IFNAR1: variants seen among roughly 807,000 people sequenced by gnomAD.
The protein encoded by IFNAR1 is interferon alpha/beta receptor 1.
Under a neutral mutation model 62.1 loss-of-function variants are expected in IFNAR1, and 47 were observed. The observed-to-expected ratio is 0.76, with a 90% CI of 0.60 to 0.97. The LOEUF (loss-of-function observed/expected upper bound fraction) is 0.97, where lower values mean the gene tolerates loss of function less well. Ranked by LOEUF, IFNAR1 falls within the 50% of genes least tolerant of loss-of-function variation. The probability of loss-of-function intolerance (pLI) is 0.00; values close to 1 mark genes in which losing one functional copy is unlikely to be tolerated. For missense variants in IFNAR1, 638 were observed against 654.5 expected (o/e 0.97, Z 0.27); for synonymous variants, 219 against 226.9 (o/e 0.97, Z 0.31).
chr21:33,349,267 T>TA lies in IFNAR1; in HGVS notation c.968dup (p.Phe324ValfsTer2), dbSNP rs1453462205. 1 of 1,607,198 alleles carries TA rather than the reference T, an allele frequency of 6.2e-7. No individual in the cohort carries two copies. The highest frequency in any genetic ancestry group is 8.5e-7 in the Non-Finnish European group (1 of 1,175,342). On this transcript the variant is annotated frameshift_variant, in exon 7 of 11. Coordinates refer to ENST00000270139, the MANE Select transcript of IFNAR1 (RefSeq NM_000629.3). LOFTEE classifies it high-confidence loss of function. ...AACACATCTTTTTGGTCTGAAGAGA[T>TA]AAAGTTTGATACTGAAATACAAGGT...
In IFNAR1 at chr21:33,352,922, ATT is replaced by A; in HGVS notation, c.1294+15_1294+16del. The A allele has an allele frequency of 6.5e-7, 1 of 1,543,888 alleles. No homozygotes were observed. Among genetic ancestry groups the A allele is most frequent in the Non-Finnish European group, 8.8e-7 (1 of 1,137,368 alleles). On this transcript the variant is annotated intron_variant, in intron 9 of 10. Coordinates refer to ENST00000270139, the MANE Select transcript of IFNAR1 (RefSeq NM_000629.3). ...AAACAAAACCAGGTCAGAATCTTTT[ATT>A]GTCTTTTTTAAAAATGTAGCTAGAC...
intron 1 of IFNAR1, among the ~76,000 whole-genome samples, chr21:33,327,491 TAGG>T (rs2083137349): frequency 6.6e-6 from 1 of 152,192 alleles, no homozygotes; most frequent in Non-Finnish European, 1.5e-5. Flanking sequence ...TGAGGCTGTA[TAGG>T]CCAGTCCGTG....
chr21:33,331,080 A>T (rs576636043), intron 1 of IFNAR1, among the ~76,000 whole-genome samples: 23 of 152,170 alleles, frequency 1.5e-4, no homozygotes, highest in Non-Finnish European at 2.9e-4. Context: ...CATCTGAACC[A>T]CGCCAGGCTG....
chr21:33,328,391 C>T (rs753022110), intron 1 of IFNAR1, among the ~76,000 whole-genome samples: 8 of 152,150 alleles, frequency 5.3e-5, no homozygotes, highest in Non-Finnish European at 7.3e-5. Context: ...AACCTCACTT[C>T]GCATCATGGC....
At position 33,352,670 on chromosome 21, in the gene IFNAR1, A is replaced by C. The variant is rs2083410014; in HGVS notation, c.1144-88A>C. 19 of 705,364 alleles carry C rather than the reference A, an allele frequency of 2.7e-5. No homozygotes were observed. In the South Asian group the frequency reaches 4.1e-4, roughly 15 times the overall value. The allele number at this position is 705,364 out of a possible 1,614,324, so 43.7% of individuals were successfully genotyped here. On this transcript the variant is annotated intron_variant, in intron 8 of 10. Transcript: ENST00000270139. ...CAACTACGTGGGAGAGGCCAATGTT[A>C]GACTGAACATAAAAAATTGAGAAAG...
chr21:33,351,558 T>A (rs1356380387), intron 8 of IFNAR1, among the ~76,000 whole-genome samples: 1 of 151,100 alleles, frequency 6.6e-6, no homozygotes, highest in Admixed American at 6.6e-5. Context: ...TTTTATTTTT[T>A]TTTTTTTTGA....
At position 33,358,480 on chromosome 21, in the gene IFNAR1, TTA is replaced by T. The variant is rs1238175787; in HGVS notation, c.*2938_*2939del. The T allele has an allele frequency of 1.3e-5, 2 of 151,952 alleles. No individual in the cohort carries two copies. The highest frequency in any genetic ancestry group is 4.8e-5 in the African/African-American group (2 of 41,398). The allele number at this position is 151,952 out of a possible 1,614,324, so 9.4% of individuals were successfully genotyped here. ...TATTAATATATAATACAGATTAACATTATATATAATATGTACCTGTGTCACTT... is the reference window on the plus strand; with the variant it reads ...TATTAATATATAATACAGATTAACATTATATAATATGTACCTGTGTCACTT... On this transcript the variant is annotated 3_prime_UTR_variant, in exon 11 of 11. Coordinates refer to ENST00000270139, the MANE Select transcript of IFNAR1 (RefSeq NM_000629.3).
chr21:33,349,442 A>G lies in IFNAR1; in HGVS notation c.1042A>G (p.Ile348Val), dbSNP rs1020198639. The change falls in exon 8 of 11, where the codon ATC becomes GTC. Residue 348 changes from isoleucine to valine, a missense_variant. By Grantham distance (29) the Ile-to-Val change is conservative. Coordinates refer to ENST00000270139, the MANE Select transcript of IFNAR1 (RefSeq NM_000629.3). Reference sequence around the variant, plus strand: ...TAGATCCCTTAGTGATTCATTCCATATCTATATCGGTGCTCCAAAACAGTC... The same window carrying G: ...TAGATCCCTTAGTGATTCATTCCATGTCTATATCGGTGCTCCAAAACAGTC... ...NIRSLSDSFHIYIGAPKQSGN... is the reference protein window; with the variant it reads ...NIRSLSDSFHVYIGAPKQSGN... 15 of 1,611,126 alleles carry G rather than the reference A, an allele frequency of 9.3e-6. No individual in the cohort carries two copies. In the African/African-American group the frequency reaches 1.7e-4, roughly 19 times the overall value.
At chr21:33,324,953 C>A, upstream of IFNAR1, 2 of 977,234 alleles carry the variant, frequency 2.0e-6, no homozygotes, top group East Asian at 5.3e-5. Context: ...AGAGGGGCAG[C>A]GCGTGTGCAG....
At chr21:33,344,154 C>T (rs538749173) in intron 5 of IFNAR1, among the ~76,000 whole-genome samples, 25 of 144,550 alleles carry the variant, frequency 1.7e-4, no homozygotes, top group Admixed American at 3.4e-4. Flanking sequence ...AGTAAGGCTC[C>T]GTCTTAGAAA....
chr21:33,346,798 A>G (rs1443242703), intron 6 of IFNAR1, among the ~76,000 whole-genome samples: 1 of 152,222 alleles, frequency 6.6e-6, no homozygotes, highest in Non-Finnish European at 1.5e-5. Context: ...CAAAGAAGCC[A>G]TAAGGAAAGA....
At chr21:33,348,905 A>G (rs746946130) in intron 6 of IFNAR1, among the ~76,000 whole-genome samples, 186 bp from the exon 7 acceptor site, 1 of 152,214 alleles carries the variant, frequency 6.6e-6, no homozygotes, top group African/African-American at 2.4e-5. Context: ...GCAGAGCACA[A>G]CATGACCACA....
intron 8 of IFNAR1, among the ~76,000 whole-genome samples, chr21:33,351,773 G>C (rs1238426643): frequency 6.6e-6 from 1 of 151,820 alleles, no homozygotes; most frequent in Non-Finnish European, 1.5e-5. Context: ...TTTTTTGGTG[G>C]TGGTGGTGGT....
chr21:33,330,995 T>C (rs752985236), intron 1 of IFNAR1, among the ~76,000 whole-genome samples: 1 of 152,204 alleles, frequency 6.6e-6, no homozygotes, highest in Non-Finnish European at 1.5e-5. Flanking sequence ...ACAGCTACTG[T>C]GCCACTCCAC....
At chr21:33,351,191 G>A (rs2083393683) in intron 8 of IFNAR1, among the ~76,000 whole-genome samples, 1 of 152,202 alleles carries the variant, frequency 6.6e-6, no homozygotes, top group African/African-American at 2.4e-5. Flanking sequence ...GCCGGATTAT[G>A]TGATTGGTTA....
chr21:33,325,580 T>TA (rs2083119312), intron 1 of IFNAR1, among the ~76,000 whole-genome samples: 1 of 152,122 alleles, frequency 6.6e-6, no homozygotes, highest in African/African-American at 2.4e-5. Flanking sequence ...TACAGGCCAA[T>TA]AAAAAATGAC....
rs1359107174 is a variant in IFNAR1, at chr21:33,346,899, TACC to T, written c.788+1542_788+1544del. ...TTAGTTTTCTGTGTCTGTAACTAAT[TACC>T]ACAGACTTAGCAACTTAAACAGCTG... On this transcript the variant is annotated intron_variant, in intron 6 of 10. Coordinates refer to ENST00000270139, the MANE Select transcript of IFNAR1 (RefSeq NM_000629.3). 2.6e-5 allele frequency among the ~76,000 whole-genome samples: 4 copies of T among 152,198 alleles called. No homozygotes were observed. In the East Asian group the frequency reaches 5.8e-4, roughly 22 times the overall value.
At position 33,335,713 on chromosome 21, in the gene IFNAR1, A is replaced by G. The variant is rs995746979; in HGVS notation, c.200+66A>G. On this transcript the variant is annotated intron_variant, in intron 2 of 10. Transcript: ENST00000270139. ...TAATTTTTACAAGTTTAACAACACC[A>G]TAATTTTTAGATTTGGAAAGTGTTT... is the stretch of plus-strand genomic sequence containing the variant. 26 of 1,253,134 alleles carry G rather than the reference A, an allele frequency of 2.1e-5. No homozygotes were observed. The South Asian group carries it at 3.8e-4, about 18-fold the overall frequency. The allele number at this position is 1,253,134 out of a possible 1,614,324, so 77.6% of individuals were successfully genotyped here.
chr21:33,338,962 G>A (rs1054841941), intron 2 of IFNAR1, among the ~76,000 whole-genome samples: 5 of 151,844 alleles, frequency 3.3e-5, no homozygotes, highest in Admixed American at 6.6e-5. Context: ...GGCTGATCTC[G>A]AACTCCTGAT....
Sources: allele counts gnomAD v4.1 joint callset (sites outside exome capture counted in the v4.1 genomes callset), GRCh38; gene constraint gnomAD v4.1.1; transcripts MANE v1.5; gene names NCBI Gene and HGNC (gene_info 2026-07-23, HGNC 2026-07-21).